The following ATG2B variants were observed in gnomAD, a reference collection of about 807,000 sequenced individuals.
The protein encoded by ATG2B is autophagy related 2B, also known as autophagy-related protein 2 homolog B.
ATG2B carries 121 observed loss-of-function variants against 241.3 expected under a neutral mutation model. The ratio of observed to expected loss-of-function variants is 0.50; its 90% confidence interval spans 0.43 to 0.58. The LOEUF is 0.58. Ranked by LOEUF, ATG2B falls within the 20% of genes least tolerant of loss-of-function variation. ATG2B has a pLI of 0.00. For missense variants in ATG2B, 2,306 were observed against 2,491.6 expected (o/e 0.93, Z 1.59); for synonymous variants, 858 against 876.6 (o/e 0.98, Z 0.37).
At position 96,315,479 on chromosome 14, in the gene ATG2B, T is replaced by A; in HGVS notation, c.3466A>T (p.Ser1156Cys). 1 of 1,614,186 alleles carries A rather than the reference T, an allele frequency of 6.2e-7. No homozygotes were observed. The highest frequency in any genetic ancestry group is 8.5e-7 in the Non-Finnish European group (1 of 1,180,010). ...CCAACTCCATCTGAAGAAGTTTTAC[T>A]GAGGCCATCTTCTTCAGAGGAATAA... ...TIYSSEEDGL[S>C]KTSSDGVGGD... is the part of the protein sequence containing the mutation. Residue 1156 changes from serine to cysteine, a missense_variant, in exon 22 of 42, where the codon AGT becomes TGT. Physicochemically the swap from Ser to Cys is moderately radical, Grantham distance 112. Transcript: ENST00000359933.
chr14:96,288,348 C>A (rs140868418), intron 41 of ATG2B, among the ~76,000 whole-genome samples: 41 of 152,272 alleles, frequency 2.7e-4, no homozygotes, highest in African/African-American at 9.4e-4. Context: ...AATTAGGCAA[C>A]CACTTCACAA....
chr14:96,334,008 C>T, intron 7 of ATG2B, 135 bp from the exon 8 acceptor site: 1 of 730,116 alleles, frequency 1.4e-6, no homozygotes, highest in Non-Finnish European at 2.3e-6. Flanking sequence ...TTTAGTGAGT[C>T]AGAGCTCTAA....
chr14:96,345,186 C>T lies in ATG2B; in HGVS notation c.478+47G>A, dbSNP rs1216743120. 3 of 1,527,134 alleles carry T rather than the reference C, an allele frequency of 2.0e-6. 1 individual carries two copies. The highest frequency in any genetic ancestry group is 2.4e-5 in the South Asian group (2 of 82,180). The allele number at this position is 1,527,134 out of a possible 1,614,324, so 94.6% of individuals were successfully genotyped here. A position where few individuals can be genotyped will look rare whatever the true frequency, so the allele number is the denominator to read the frequency against. On this transcript the variant is annotated intron_variant, in intron 3 of 41. Coordinates refer to ENST00000359933, the MANE Select transcript of ATG2B (RefSeq NM_018036.7). ...AAGCTTATTACATGAAGGTACAAAA[C>T]TACTAAATCAAATCTAAATTTTTGA... is the stretch of plus-strand genomic sequence containing the variant.
chr14:96,361,532 G>A (rs1473235758), intron 1 of ATG2B, among the ~76,000 whole-genome samples: 5 of 152,070 alleles, frequency 3.3e-5, no homozygotes, highest in Non-Finnish European at 5.9e-5. Context: ...CAAAAGTATA[G>A]AATCATGGGT....
At chr14:96,335,968 A>G (rs1359655489) in intron 6 of ATG2B, among the ~76,000 whole-genome samples, 1 of 152,152 alleles carries the variant, frequency 6.6e-6, no homozygotes. Flanking sequence ...TTGAAAATAT[A>G]AAAGAACATA....
intron 21 of ATG2B, 23 bp downstream of exon 21, chr14:96,316,510 A>C: frequency 6.2e-7 from 1 of 1,603,842 alleles, no homozygotes; most frequent in Non-Finnish European, 8.5e-7. Context: ...AAGAGAAGAA[A>C]CCAAGACACG....
In ATG2B at chr14:96,333,771, A is replaced by C; in HGVS notation, c.1124T>G (p.Leu375Trp). ...RIQMELNRYYLRKDSLSVGVS... is the reference protein window; with the variant it reads ...RIQMELNRYYWRKDSLSVGVS... Reference sequence around the variant, plus strand: ...ACCCACAGAGAGGGAATCTTTTCTCAAATAATACCGGTTTAATTCCATCTG... The same window carrying C: ...ACCCACAGAGAGGGAATCTTTTCTCCAATAATACCGGTTTAATTCCATCTG... The change falls in exon 8 of 42, where the codon TTG (leucine) becomes TGG (tryptophan). Residue 375 changes from leucine (L) to tryptophan (W), a missense_variant. Transcript: ENST00000359933. The C allele has an allele frequency of 6.2e-7, 1 of 1,613,950 alleles. No homozygotes were observed. Among genetic ancestry groups the C allele is most frequent in the South Asian group, 1.1e-5 (1 of 91,070 alleles).
Position 96,291,505 on chromosome 14 carries a change from A to T in ATG2B, c.5579+95T>A, listed in dbSNP as rs960771689. 41 of 797,966 alleles carry T rather than the reference A, an allele frequency of 5.1e-5. No individual in the cohort carries two copies. The South Asian group carries it at 5.6e-4, about 11-fold the overall frequency. 49.4% of individuals were successfully genotyped at this position (797,966 alleles called of 1,614,324 possible). A position where few individuals can be genotyped will look rare whatever the true frequency, so the allele number is the denominator to read the frequency against. On this transcript the variant is annotated intron_variant, in intron 38 of 41. Transcript: ENST00000359933. ...AGCTCTCTAAATAAAATACTGTAAA[A>T]TTGTGTATGCATGCTAAGAAAACTC...
chr14:96,347,620 C>T (rs1215306325), intron 1 of ATG2B, among the ~76,000 whole-genome samples: 2 of 152,082 alleles, frequency 1.3e-5, no homozygotes, highest in African/African-American at 4.8e-5. Context: ...ATAAGGAGCT[C>T]AAACAACTCT....
intron 41 of ATG2B, among the ~76,000 whole-genome samples, chr14:96,288,024 T>A (rs1595289560): frequency 7.0e-6 from 1 of 143,082 alleles, no homozygotes; most frequent in Non-Finnish European, 1.5e-5. Flanking sequence ...TTTTTTTTTT[T>A]AACTTTAATA....
Position 96,290,635 on chromosome 14 carries a change from CTT to C in ATG2B, c.5702-47_5702-46del. 1.2e-6 allele frequency: 2 copies of C among 1,607,400 alleles called. No homozygotes were observed. The highest frequency in any genetic ancestry group is 1.7e-6 in the Non-Finnish European group (2 of 1,175,684). The stretch of plus-strand genomic sequence containing the variant: ...ATCAACATCAGTGCCACAGTTCAGA[CTT>C]TTCTATCATTCTAACCCTGGGGTTT... On this transcript the variant is annotated intron_variant, in intron 39 of 41. Transcript: ENST00000359933. This position sits in a 1 kb window ranked among gnomAD's most constrained non-coding sequence, Gnocchi z 4.4.
chr14:96,343,326 C>A (rs777633802), intron 4 of ATG2B, 45 bp from the exon 5 acceptor site: 1 of 1,446,646 alleles, frequency 6.9e-7, no homozygotes, highest in Non-Finnish European at 9.3e-7. Context: ...CCTAGGGGTG[C>A]AGCGCACCAG....
chr14:96,285,943 G>A lies in ATG2B; in HGVS notation c.6049C>T (p.Arg2017Ter), dbSNP rs1020709662. 3.7e-6 allele frequency: 6 copies of A among 1,613,890 alleles called. No individual in the cohort carries two copies. Among genetic ancestry groups the A allele is most frequent in the South Asian group, 1.1e-5 (1 of 91,032 alleles). Residue 2017 changes from arginine (R) to a stop codon, truncating the protein, a stop_gained, in exon 42 of 42, where the codon CGA becomes TGA. Transcript: ENST00000359933. LOFTEE classifies it high-confidence loss of function. The surrounding 1 kb of genome is among the most constrained non-coding windows in gnomAD (Gnocchi z 4.2). ...TAQTIYETAA[R>*]EHESRGVTGA... ...GTCACCCCTCTGCTCTCGTGTTCTCGAGCCGCAGTTTCATAAATGGTCTGA... is the reference window on the plus strand; with the variant it reads ...GTCACCCCTCTGCTCTCGTGTTCTCAAGCCGCAGTTTCATAAATGGTCTGA...
chr14:96,316,325 T>G lies in ATG2B; in HGVS notation c.3361+208A>C, dbSNP rs187064946. Among the ~76,000 whole-genome samples the G allele has an allele frequency of 6.6e-5, 10 of 152,292 alleles. No homozygotes were observed. The East Asian group carries it at 1.7e-3, about 26-fold the overall frequency. ...AAAGGTACACTTTAAATGAGTATGGTGTGTGAATTATACCTCAACAAAGCT... is the reference window on the plus strand; with the variant it reads ...AAAGGTACACTTTAAATGAGTATGGGGTGTGAATTATACCTCAACAAAGCT... On this transcript the variant is annotated intron_variant, in intron 21 of 41. Transcript: ENST00000359933.
rs760594642 is a variant in ATG2B at position 96,304,526 on chromosome 14, T to C, written c.4811A>G (p.His1604Arg). Residue 1604 changes from histidine (H) to arginine (R), a missense_variant, in exon 32 of 42, where the codon CAT becomes CGT. Physicochemically the swap from His to Arg is conservative, Grantham distance 29. Transcript: ENST00000359933. ...TAGCTGTATTTCCATTAAAAAGTCA[T>C]GGTTCCTTCCTTTTCCCCCACATAC... ...NTVCGGKGRN[H>R]DFLMEIQLSK... 2.0e-5 allele frequency: 33 copies of C among 1,613,332 alleles called. No homozygotes were observed. The highest frequency in any genetic ancestry group is 2.4e-5 in the Non-Finnish European group (28 of 1,179,664).
Position 96,356,473 on chromosome 14 carries a change from CATA to C in ATG2B, c.162+6339_162+6341del, listed in dbSNP as rs201625747. 4.4e-3 allele frequency among the ~76,000 whole-genome samples: 673 copies of C among 152,128 alleles called. 26 individuals are homozygous for C. The South Asian group carries it at 0.067, about 15-fold the overall frequency. ...TAAGCAAAATCATGTGTTAACATAT[CATA>C]ATTTTTTTTAACGTAGTACTGGTTT... On this transcript the variant is annotated intron_variant, in intron 1 of 41. Transcript: ENST00000359933.
chr14:96,327,224 C>T (rs1364737782), intron 14 of ATG2B, among the ~76,000 whole-genome samples: 1 of 75,310 alleles, frequency 1.3e-5, no homozygotes, highest in Non-Finnish European at 2.6e-5. Flanking sequence ...CAACAGATGT[C>T]TGTCTCAATA....
In ATG2B at chr14:96,279,220, T is replaced by G. The variant is rs1886129946; in HGVS notation, c.*6535A>C. 1 of 151,646 alleles carries G rather than the reference T, an allele frequency of 6.6e-6. No individual in the cohort carries two copies. Among genetic ancestry groups the G allele is most frequent in the African/African-American group, 2.4e-5 (1 of 40,950 alleles). 9.4% of individuals were successfully genotyped at this position (151,646 alleles called of 1,614,324 possible). ...TAGTCAATCAATGATGAACTTTTAT[T>G]TCATATATATTTATATTTTAAAAAT... On this transcript the variant is annotated 3_prime_UTR_variant, in exon 42 of 42. Coordinates refer to ENST00000359933, the MANE Select transcript of ATG2B (RefSeq NM_018036.7).
Position 96,313,122 on chromosome 14 carries a change from A to G in ATG2B, c.3785T>C (p.Val1262Ala). Reference protein sequence around the residue: ...LYLPIRSLLTVETFSVSSSVA... With the variant: ...LYLPIRSLLTAETFSVSSSVA... Reference sequence around the variant, plus strand: ...GCTACTGGAAACACTGAATGTTTCCACGGTAAGAAGAGATCGGATTGGCAA... The same window carrying G: ...GCTACTGGAAACACTGAATGTTTCCGCGGTAAGAAGAGATCGGATTGGCAA... The change falls in exon 25 of 42, where the codon GTG becomes GCG. Residue 1262 changes from valine to alanine, a missense_variant. Transcript: ENST00000359933. The G allele has an allele frequency of 6.2e-7, 1 of 1,613,766 alleles. No individual in the cohort carries two copies. Among genetic ancestry groups the G allele is most frequent in the Non-Finnish European group, 8.5e-7 (1 of 1,179,802 alleles).
Sources: allele counts gnomAD v4.1 joint callset (sites outside exome capture counted in the v4.1 genomes callset), GRCh38; gene constraint gnomAD v4.1.1; non-coding constraint Gnocchi (gnomAD v3.1); transcripts MANE v1.5; gene names NCBI Gene and HGNC (gene_info 2026-07-23, HGNC 2026-07-21).